OGDH: variants seen among roughly 807,000 people sequenced by gnomAD.
OGDH encodes oxoglutarate dehydrogenase, also known as 2-oxoglutarate dehydrogenase complex component E1.
OGDH carries 38 observed loss-of-function variants against 116.6 expected under a neutral mutation model. The ratio of observed to expected loss-of-function variants is 0.33; its 90% CI spans 0.25 to 0.43. OGDH has a LOEUF of 0.43. OGDH is among the 20% of genes least tolerant of loss of function. OGDH has a pLI of 1.00. For missense variants in OGDH, 825 were observed against 1,357.2 expected (o/e 0.61, Z 6.16); for synonymous variants, 488 against 533.3 (o/e 0.92, Z 1.17).
intron 2 of OGDH, among the ~76,000 whole-genome samples, chr7:44,626,124 G>C (rs1158140198): frequency 1.3e-5 from 2 of 152,138 alleles, no homozygotes; most frequent in African/African-American, 2.4e-5. Flanking sequence ...GAGCAGCCTT[G>C]CTTACTGGGC....
At chr7:44,607,741 C>T (rs184295391) in intron 1 of OGDH, among the ~76,000 whole-genome samples, 337 of 152,254 alleles carry the variant, frequency 2.2e-3, no homozygotes, top group African/African-American at 7.9e-3. Context: ...GTCTCTGTCG[C>T]CCAGGCTGGA....
intron 4 of OGDH, among the ~76,000 whole-genome samples, chr7:44,660,569 A>G (rs1338128857): frequency 2.0e-5 from 3 of 152,154 alleles, no homozygotes; most frequent in African/African-American, 4.8e-5. Context: ...GTCTTGGCAT[A>G]TGTTTCATGG....
Position 44,696,686 on chromosome 7 carries a change from G to A in OGDH, c.1900+129G>A, listed in dbSNP as rs542740339. 17 of 1,371,176 alleles carry A rather than the reference G, an allele frequency of 1.2e-5. No individual in the cohort carries two copies. In the African/African-American group the frequency reaches 1.9e-4, roughly 15 times the overall value. 84.9% of individuals were successfully genotyped at this position (1,371,176 alleles called of 1,614,324 possible). ...AGACTCCCTTCCTGCCCTGCTCAAGGCCTCTGGGGTGGTTGGATGGAGCCA... is the reference window on the plus strand; with the variant it reads ...AGACTCCCTTCCTGCCCTGCTCAAGACCTCTGGGGTGGTTGGATGGAGCCA... On this transcript the variant is annotated intron_variant, in intron 14 of 22. Coordinates refer to ENST00000222673, the MANE Select transcript of OGDH (RefSeq NM_002541.4).
intron 2 of OGDH, among the ~76,000 whole-genome samples, chr7:44,639,164 A>AG (rs1322408617): frequency 1.3e-5 from 2 of 152,208 alleles, no homozygotes; most frequent in African/African-American, 4.8e-5. Context: ...ACCTAAAGCC[A>AG]GGGGTTATGG....
At chr7:44,702,134 G>T (rs945987200) in intron 20 of OGDH, among the ~76,000 whole-genome samples, 5 of 151,942 alleles carry the variant, frequency 3.3e-5, no homozygotes, top group African/African-American at 4.8e-5. Flanking sequence ...ATTCACGTTG[G>T]TCAAATGACA....
In OGDH at chr7:44,647,686, C is replaced by T; in HGVS notation, c.444C>T (p.Asp148=). ...QIRGHHVAQL[D]PLGILDADLD... ...GAGGGCACCATGTAGCACAGCTGGA[C>T]CCCCTGGGGATTTTGGATGCTGATC... The change falls in exon 4 of 23, where the codon GAC becomes GAT. Residue 148 remains aspartate, a synonymous_variant. Transcript: ENST00000222673. The T allele has an allele frequency of 6.2e-7, 1 of 1,613,868 alleles. No individual in the cohort carries two copies. Among genetic ancestry groups the T allele is most frequent in the Non-Finnish European group, 8.5e-7 (1 of 1,179,946 alleles).
intron 4 of OGDH, among the ~76,000 whole-genome samples, chr7:44,662,469 T>C (rs978318883): frequency 5.3e-5 from 8 of 149,916 alleles, no homozygotes; most frequent in African/African-American, 1.5e-4. Context: ...CTTTTCTTTT[T>C]TTTTTTTTTT....
intron 2 of OGDH, among the ~76,000 whole-genome samples, chr7:44,637,712 A>C (rs1785733203): frequency 6.6e-6 from 1 of 151,902 alleles, no homozygotes; most frequent in African/African-American, 2.4e-5. Context: ...GGGGAGGCTG[A>C]GGCAGGAGAA....
intron 9 of OGDH, among the ~76,000 whole-genome samples, chr7:44,678,960 G>A (rs1239096239): frequency 6.6e-6 from 1 of 152,154 alleles, no homozygotes; most frequent in Non-Finnish European, 1.5e-5. Context: ...TATGGCCTTT[G>A]GGATCTTTGT....
At chr7:44,706,904 G>A (rs969834285) in intron 20 of OGDH, among the ~76,000 whole-genome samples, 19 of 152,142 alleles carry the variant, frequency 1.2e-4, no homozygotes, top group African/African-American at 4.3e-4. Flanking sequence ...GATTGCAGGC[G>A]TGAGCCACCG....
chr7:44,686,132 G>GT (rs1788116800), intron 10 of OGDH, among the ~76,000 whole-genome samples: 1 of 150,920 alleles, frequency 6.6e-6, no homozygotes, highest in African/African-American at 2.4e-5. Flanking sequence ...CAATCCACAT[G>GT]TATCTATGCT....
In OGDH at chr7:44,647,022, A is replaced by G. The variant is rs185489359; in HGVS notation, c.415-635A>G. ...GGTTGGCCTCAAACTCCTAGGCTCA[A>G]GAGATCCTCCTACCTCAGCCTCCCA... On this transcript the variant is annotated intron_variant, in intron 3 of 22. Transcript: ENST00000222673. Among the ~76,000 whole-genome samples the G allele has an allele frequency of 1.6e-4, 24 of 152,332 alleles. 1 individual carries two copies. The highest frequency in any genetic ancestry group is 5.8e-4 in the African/African-American group (24 of 41,586).
chr7:44,694,392 T>C lies in OGDH; in HGVS notation c.1516-32T>C. The C allele has an allele frequency of 6.2e-7, 1 of 1,611,280 alleles. No homozygotes were observed. The highest frequency in any genetic ancestry group is 8.5e-7 in the Non-Finnish European group (1 of 1,178,720). On this transcript the variant is annotated intron_variant, in intron 11 of 22. Transcript: ENST00000222673. This position sits in a 1 kb window ranked among gnomAD's most constrained non-coding sequence, Gnocchi z 4.2. ...CACTTCTTCCCAAGGGGCCAGCCCT[T>C]GTCTCTGACATCCTCTCACTGCTCT...
intron 4 of OGDH, among the ~76,000 whole-genome samples, chr7:44,658,452 C>CTTT (rs759195013): frequency 7.5e-6 from 1 of 132,672 alleles, no homozygotes; most frequent in African/African-American, 2.8e-5. Context: ...CATTCTAGGG[C>CTTT]TTTTTTTTTT....
intron 9 of OGDH, among the ~76,000 whole-genome samples, chr7:44,679,212 A>G (rs1053603297): frequency 6.6e-6 from 1 of 152,360 alleles, no homozygotes; most frequent in Non-Finnish European, 1.5e-5. Context: ...TGTCAGCAGA[A>G]GACAGACTGG....
At chr7:44,616,862 T>TATAC (rs1475203794) in intron 1 of OGDH, among the ~76,000 whole-genome samples, 1 of 100,820 alleles carries the variant, frequency 9.9e-6, no homozygotes, top group Non-Finnish European at 2.0e-5. Context: ...TATATACACA[T>TATAC]ATATATATAC....
At chr7:44,631,303 T>C (rs1459830600) in intron 2 of OGDH, among the ~76,000 whole-genome samples, 1 of 152,192 alleles carries the variant, frequency 6.6e-6, no homozygotes. Context: ...TTTTTTGTTT[T>C]TGAAGATTCA....
intron 10 of OGDH, among the ~76,000 whole-genome samples, chr7:44,690,745 G>A (rs1320382983): frequency 1.3e-5 from 2 of 152,194 alleles, no homozygotes; most frequent in Admixed American, 1.3e-4. Flanking sequence ...ATTGGAGAGG[G>A]CAGCTGAGAC....
At chr7:44,661,134 C>T (rs1460822517) in intron 4 of OGDH, among the ~76,000 whole-genome samples, 1 of 152,142 alleles carries the variant, frequency 6.6e-6, no homozygotes, top group African/African-American at 2.4e-5. Context: ...CAGCTCTGTT[C>T]TTTGGTGTAT....
Sources: gnomAD v4.1 joint callset for allele counts (sites outside exome capture counted in the v4.1 genomes callset) on GRCh38, gnomAD v4.1.1 for gene constraint, Gnocchi (gnomAD v3.1) non-coding constraint, MANE v1.5 for transcripts, NCBI Gene and HGNC (gene_info 2026-07-23, HGNC 2026-07-21) for gene names.